UNC13C: variants seen among roughly 807,000 people sequenced by gnomAD.
UNC13C encodes the protein protein unc-13 homolog C.
In UNC13C, 174 loss-of-function variants were observed where a neutral mutation model predicts 245.4. The ratio of observed to expected loss-of-function variants is 0.71; its 90% CI spans 0.63 to 0.80. UNC13C has a LOEUF of 0.80. Ranked by LOEUF, UNC13C falls within the 30% of genes least tolerant of loss-of-function variation. The pLI is 0.00. For synonymous variants in UNC13C, 992 were observed against 895.1 expected (o/e 1.11, Z -1.93); for missense variants, 2,829 against 2,602.9 (o/e 1.09, Z -1.89).
At chr15:54,315,174 A>G (rs2037977297) in intron 13 of UNC13C, among the ~76,000 whole-genome samples, 1 of 151,848 alleles carries the variant, frequency 6.6e-6, no homozygotes, top group South Asian at 2.1e-4. Context: ...ACAAGAGAAA[A>G]TCAAAACTCC....
chr15:53,896,251 TA>T, the UNC13C span, among the ~76,000 whole-genome samples: 3 of 151,852 alleles, frequency 2.0e-5, no homozygotes, highest in East Asian at 3.9e-4. Context: ...GTAAGAAATG[TA>T]AAAAAAATAC....
chr15:54,262,158 G>C (rs1567143021), intron 8 of UNC13C, among the ~76,000 whole-genome samples: 1 of 152,140 alleles, frequency 6.6e-6, no homozygotes. Context: ...TATTGTTTGA[G>C]CATTTATTGT....
intron 29 of UNC13C, among the ~76,000 whole-genome samples, chr15:54,564,258 A>T (rs1037594846): frequency 6.6e-6 from 1 of 151,994 alleles, no homozygotes; most frequent in Non-Finnish European, 1.5e-5. Flanking sequence ...CCCTTAAAAA[A>T]CTTCTGTTCA....
intron 9 of UNC13C, among the ~76,000 whole-genome samples, chr15:54,264,625 T>C (rs1210995656): frequency 1.3e-5 from 2 of 151,422 alleles, no homozygotes; most frequent in African/African-American, 2.4e-5. Context: ...AAAAAGTTTC[T>C]GTTTTTCAAT....
chr15:54,427,225 G>A (rs762423926), intron 19 of UNC13C, among the ~76,000 whole-genome samples: 4 of 151,784 alleles, frequency 2.6e-5, no homozygotes, highest in Non-Finnish European at 5.9e-5. Flanking sequence ...GTTGTGGGAA[G>A]GACCCAGGGG....
At chr15:53,932,790 A>G in the UNC13C span, among the ~76,000 whole-genome samples, 1 of 152,174 alleles carries the variant, frequency 6.6e-6, no homozygotes, top group African/African-American at 2.4e-5. Context: ...CTTAAGTCCC[A>G]TGCATACTTA....
At chr15:54,437,517 T>A (rs968444815) in intron 19 of UNC13C, among the ~76,000 whole-genome samples, 2 of 151,962 alleles carry the variant, frequency 1.3e-5, no homozygotes, top group Non-Finnish European at 2.9e-5. Flanking sequence ...TTTGTTTATT[T>A]TTGAGGTTCC....
rs868816775 is a variant in UNC13C at position 54,219,656 on chromosome 15, A to G, written c.3072-15374A>G. On this transcript the variant is annotated intron_variant, in intron 4 of 32. Transcript: ENST00000260323. ...GCAAAAGAAACTACCATCAGAGTGA[A>G]CAGGCAACCTACAAAATGGGAGAAA... is the stretch of plus-strand genomic sequence containing the variant. 8.6e-4 allele frequency among the ~76,000 whole-genome samples: 130 copies of G among 151,770 alleles called. No individual in the cohort carries two copies. The Middle Eastern group carries it at 0.014, about 16-fold the overall frequency.
chr15:54,402,064 TAAA>T (rs55783137), intron 18 of UNC13C, among the ~76,000 whole-genome samples: 12 of 139,206 alleles, frequency 8.6e-5, no homozygotes, highest in East Asian at 2.1e-4. Flanking sequence ...TGTTGAAATG[TAAA>T]AAAAAAAAAA....
At chr15:54,515,093 A>T (rs1473388742) in intron 24 of UNC13C, among the ~76,000 whole-genome samples, 1 of 152,124 alleles carries the variant, frequency 6.6e-6, no homozygotes, top group Non-Finnish European at 1.5e-5. Context: ...ATAAAAAAAA[A>T]TCTCACAAAC....
At chr15:54,579,519 G>C (rs1413057042) in intron 30 of UNC13C, among the ~76,000 whole-genome samples, 3 of 152,096 alleles carry the variant, frequency 2.0e-5, no homozygotes, top group Non-Finnish European at 4.4e-5. Context: ...AGCACTGTAG[G>C]AGGCCGAGGC....
chr15:54,480,514 A>C lies in UNC13C; in HGVS notation c.4934-14094A>C, dbSNP rs1366383515. 2.0e-5 allele frequency among the ~76,000 whole-genome samples: 3 copies of C among 149,488 alleles called. No homozygotes were observed. The South Asian group carries it at 6.3e-4, about 32-fold the overall frequency. On this transcript the variant is annotated intron_variant, in intron 19 of 32. Transcript: ENST00000260323. ...TCTGCTTGACCTTCTCTATTGTTGA[A>C]GTTCTCAATTATGTTTTTTCATTCA...
chr15:54,542,869 C>G (rs1030082421), intron 26 of UNC13C, among the ~76,000 whole-genome samples: 2 of 151,976 alleles, frequency 1.3e-5, no homozygotes, highest in African/African-American at 4.8e-5. Flanking sequence ...TCCTCCATTC[C>G]TTTATTTTGA....
intron 17 of UNC13C, among the ~76,000 whole-genome samples, chr15:54,365,993 C>T (rs1419030193): frequency 6.6e-6 from 1 of 152,074 alleles, no homozygotes; most frequent in African/African-American, 2.4e-5. Flanking sequence ...GCAGCACATT[C>T]GGAAAAAGTG....
chr15:53,970,315 C>G, the UNC13C span, among the ~76,000 whole-genome samples: 2 of 152,132 alleles, frequency 1.3e-5, no homozygotes, highest in Non-Finnish European at 2.9e-5. Context: ...GTGATCCACC[C>G]GCCTCAGCTT....
the UNC13C span, among the ~76,000 whole-genome samples, chr15:53,964,164 G>C: frequency 6.6e-6 from 1 of 152,162 alleles, no homozygotes; most frequent in Non-Finnish European, 1.5e-5. Flanking sequence ...CAGAGTAGGA[G>C]TACTGACAAA....
intron 2 of UNC13C, among the ~76,000 whole-genome samples, chr15:54,083,592 T>C (rs1291653237): frequency 6.6e-6 from 1 of 152,162 alleles, no homozygotes; most frequent in Admixed American, 6.5e-5. Flanking sequence ...TAACGCCCTC[T>C]CTATCCCTCT....
intron 4 of UNC13C, among the ~76,000 whole-genome samples, chr15:54,169,232 C>A (rs895646554): frequency 6.6e-6 from 1 of 152,184 alleles, no homozygotes; most frequent in Non-Finnish European, 1.5e-5. Flanking sequence ...GTTTAAACAG[C>A]TTTAATGGAC....
intron 8 of UNC13C, among the ~76,000 whole-genome samples, chr15:54,262,014 A>G (rs544666298): frequency 1.1e-4 from 16 of 152,350 alleles, no homozygotes; most frequent in African/African-American, 3.8e-4. Context: ...ATACATAAGA[A>G]TAAGTGAAAT....
Sources: gnomAD v4.1 joint callset for allele counts (sites outside exome capture counted in the v4.1 genomes callset) on GRCh38, gnomAD v4.1.1 for gene constraint, MANE v1.5 for transcripts, NCBI Gene and HGNC (gene_info 2026-07-23, HGNC 2026-07-21) for gene names.